The following DNAI7 variants were observed in gnomAD, a reference collection of about 807,000 sequenced individuals.
DNAI7 encodes cancer susceptibility 1.
A neutral mutation model predicts 86.6 loss-of-function variants in DNAI7; 78 were observed. The observed-to-expected ratio is 0.90, with a 90% CI of 0.75 to 1.09. The LOEUF (loss-of-function observed/expected upper bound fraction) is 1.09, where lower values mean the gene tolerates loss of function less well. Among genes scored for constraint, DNAI7 ranks in the 50% least tolerant of loss-of-function variants. The pLI, the probability that DNAI7 is intolerant of heterozygous loss-of-function variation, is 0.00. For missense variants in DNAI7, 753 were observed against 810.2 expected, an observed-to-expected ratio of 0.93 and a Z score of 0.86; for synonymous variants, 274 against 273.0, an observed-to-expected ratio of 1.00 and a Z score of -0.04.
chr12:25,121,022 C>T (rs777900562), intron 11 of DNAI7, among the ~76,000 whole-genome samples: 12 of 152,202 alleles, frequency 7.9e-5, no homozygotes, highest in Non-Finnish European at 1.6e-4. Flanking sequence ...TGGTTCAATG[C>T]TGTTGATTTA....
chr12:25,138,989 A>C (rs562242878), intron 9 of DNAI7, among the ~76,000 whole-genome samples: 11 of 152,222 alleles, frequency 7.2e-5, no homozygotes, highest in African/African-American at 2.2e-4. Flanking sequence ...AAGAGAGAAG[A>C]TTCAAATAAA....
intron 11 of DNAI7, among the ~76,000 whole-genome samples, chr12:25,120,498 G>A (rs1375294901): frequency 5.3e-5 from 8 of 151,902 alleles, no homozygotes; most frequent in African/African-American, 1.7e-4. Flanking sequence ...CGAGGCGGGC[G>A]GATCACGAGG....
chr12:25,118,138 T>G (rs1940542067), intron 12 of DNAI7, among the ~76,000 whole-genome samples: 1 of 152,118 alleles, frequency 6.6e-6, no homozygotes, highest in Non-Finnish European at 1.5e-5. Context: ...TTCACTATGT[T>G]GGCCAGGCTC....
At chr12:25,188,057 T>C (rs574005915) in intron 2 of DNAI7, among the ~76,000 whole-genome samples, 5 of 152,320 alleles carry the variant, frequency 3.3e-5, no homozygotes, top group African/African-American at 9.6e-5. Flanking sequence ...AGAATTTAAG[T>C]AGTACCAGAC....
At chr12:25,171,384 A>G (rs146372740) in intron 2 of DNAI7, among the ~76,000 whole-genome samples, 17,531 of 152,196 alleles carry the variant, frequency 0.12, 1,363 homozygotes, top group Admixed American at 0.16. Flanking sequence ...AGAGATGGAT[A>G]AACTCCTGGA....
At chr12:25,168,692 G>C (rs986053863) in intron 2 of DNAI7, among the ~76,000 whole-genome samples, 1 of 151,952 alleles carries the variant, frequency 6.6e-6, no homozygotes, top group African/African-American at 2.4e-5. Flanking sequence ...AAAAACTCAA[G>C]GATAGAGCCC....
intron 8 of DNAI7, among the ~76,000 whole-genome samples, chr12:25,144,980 C>G (rs1471457042): frequency 6.6e-6 from 1 of 152,132 alleles, no homozygotes; most frequent in Non-Finnish European, 1.5e-5. Flanking sequence ...CATCCTAAGC[C>G]CTTTTTCTCC....
chr12:25,120,706 A>G (rs921756249), intron 11 of DNAI7, among the ~76,000 whole-genome samples: 2 of 152,084 alleles, frequency 1.3e-5, no homozygotes, highest in Non-Finnish European at 2.9e-5. Flanking sequence ...GCCTGGGCGA[A>G]AGAGCGAGAC....
At chr12:25,127,099 ACT>A (rs35813147) in intron 9 of DNAI7, among the ~76,000 whole-genome samples, 58,780 of 151,858 alleles carry the variant, frequency 0.39, 13,445 homozygotes, top group East Asian at 0.77. Context: ...AGCTCAATTG[ACT>A]CTTTTTTGAA....
chr12:25,181,846 T>C (rs1949531326), intron 2 of DNAI7, among the ~76,000 whole-genome samples: 2 of 151,862 alleles, frequency 1.3e-5, no homozygotes, highest in Non-Finnish European at 2.9e-5. Context: ...AGTCAGAATG[T>C]CTACTATTAA....
intron 2 of DNAI7, among the ~76,000 whole-genome samples, chr12:25,172,728 C>G (rs1251183443): frequency 6.6e-6 from 1 of 152,080 alleles, no homozygotes; most frequent in Non-Finnish European, 1.5e-5. Flanking sequence ...GTCACCAAAA[C>G]AGTGTGGTAC....
chr12:25,169,393 C>T (rs1418413490), intron 2 of DNAI7, among the ~76,000 whole-genome samples: 1 of 152,286 alleles, frequency 6.6e-6, no homozygotes, highest in Non-Finnish European at 1.5e-5. Context: ...TATAAAACGG[C>T]CCTACCCCAT....
intron 12 of DNAI7, among the ~76,000 whole-genome samples, chr12:25,117,938 C>CTTT (rs776942936): frequency 6.7e-5 from 9 of 135,036 alleles, no homozygotes; most frequent in African/African-American, 1.1e-4. Flanking sequence ...TTTTCTTTTT[C>CTTT]TTTTTTTTTT....
intron 2 of DNAI7, among the ~76,000 whole-genome samples, chr12:25,171,718 C>A (rs1948161113): frequency 6.6e-6 from 1 of 152,108 alleles, no homozygotes; most frequent in South Asian, 2.1e-4. Context: ...TGCTAAAATC[C>A]TTAACAAAAT....
At chr12:25,184,033 C>A (rs1281330512) in intron 2 of DNAI7, among the ~76,000 whole-genome samples, 1 of 152,120 alleles carries the variant, frequency 6.6e-6, no homozygotes, top group East Asian at 1.9e-4. Flanking sequence ...TTCCCAAGGA[C>A]TTTAGAATGT....
chr12:25,174,276 T>A (rs1948510220), intron 2 of DNAI7, among the ~76,000 whole-genome samples: 1 of 145,764 alleles, frequency 6.9e-6, no homozygotes, highest in Non-Finnish European at 1.5e-5. Context: ...ATGCAAAATT[T>A]CTTTAATTAG....
In DNAI7 at chr12:25,147,509, G is replaced by A. The variant is rs1243545429; in HGVS notation, c.586-405C>T. On this transcript the variant is annotated intron_variant, in intron 7 of 15. Transcript: ENST00000395987. ...CATCTCTACAAAAAATTAGCTGGGT[G>A]TGGTGGTGTGCAACTGTAGTCCCAG... Among the ~76,000 whole-genome samples the A allele has an allele frequency of 2.6e-5, 4 of 151,976 alleles. No homozygotes were observed. In the East Asian group the frequency reaches 7.7e-4, roughly 29 times the overall value.
intron 9 of DNAI7, among the ~76,000 whole-genome samples, chr12:25,136,004 G>A (rs1943509465): frequency 6.6e-6 from 1 of 152,146 alleles, no homozygotes; most frequent in South Asian, 2.1e-4. Flanking sequence ...TACTTATCCA[G>A]GTTACCTTAG....
chr12:25,127,083 C>T lies in DNAI7; in HGVS notation c.1003-3797G>A, dbSNP rs567509659. 2.2e-5 allele frequency among the ~76,000 whole-genome samples: 3 copies of T among 136,692 alleles called. No homozygotes were observed. In the South Asian group the frequency reaches 7.5e-4, roughly 34 times the overall value. The allele number at this position is 136,692 out of a possible 152,430, so 89.7% of individuals were successfully genotyped here. A position where few individuals can be genotyped will look rare whatever the true frequency, so the allele number is the denominator to read the frequency against. ...GTCAATTTTTAAAAAAATTGTACTACTCTTTAGCTCAATTGACTCTTTTTT... is the reference window on the plus strand; with the variant it reads ...GTCAATTTTTAAAAAAATTGTACTATTCTTTAGCTCAATTGACTCTTTTTT... On this transcript the variant is annotated intron_variant, in intron 9 of 15. Coordinates refer to ENST00000395987, the MANE Select transcript of DNAI7 (RefSeq NM_018272.5).
Sources: gnomAD v4.1 joint callset for allele counts (sites outside exome capture counted in the v4.1 genomes callset) on GRCh38, gnomAD v4.1.1 for gene constraint, MANE v1.5 for transcripts, NCBI Gene and HGNC (gene_info 2026-07-23, HGNC 2026-07-21) for gene names.